Variants in GLG1 observed in about 807,000 individuals in gnomAD.
GLG1 encodes Golgi apparatus protein 1.
In GLG1, 38 loss-of-function variants were observed where a neutral mutation model predicts 160.5. That is an observed-to-expected ratio of 0.24 (90% confidence interval 0.18 to 0.31). GLG1 has a LOEUF of 0.31. Ranked by LOEUF, GLG1 falls within the 10% of genes least tolerant of loss-of-function variation. The pLI is 1.00. For synonymous variants in GLG1, 644 were observed against 543.4 expected (o/e 1.19, Z -2.57); for missense variants, 1,373 against 1,505.2 (o/e 0.91, Z 1.45).
chr16:74,575,722 C>T (rs1050878432), intron 1 of GLG1, among the ~76,000 whole-genome samples: 6 of 152,140 alleles, frequency 3.9e-5, no homozygotes, highest in Non-Finnish European at 5.9e-5. Flanking sequence ...CCTCAGCTTC[C>T]GCAGTAGCTC....
chr16:74,502,913 A>G (rs1250012832), intron 4 of GLG1, among the ~76,000 whole-genome samples: 1 of 149,988 alleles, frequency 6.7e-6, no homozygotes, highest in African/African-American at 2.4e-5. Context: ...GCAGAGAAAG[A>G]TTACTGAACT....
intron 1 of GLG1, among the ~76,000 whole-genome samples, chr16:74,577,851 A>C (rs183180647): frequency 1.8e-3 from 276 of 152,016 alleles, no homozygotes; most frequent in Admixed American, 3.9e-3. Flanking sequence ...TCCTGAGCTC[A>C]AGTGATTCTT....
At chr16:74,597,677 T>C (rs1314314764) in intron 1 of GLG1, among the ~76,000 whole-genome samples, 1 of 150,654 alleles carries the variant, frequency 6.6e-6, no homozygotes, top group East Asian at 2.0e-4. Context: ...CACAGTGAAA[T>C]CCCATCTCTA....
At chr16:74,567,908 C>G (rs2018706041) in intron 1 of GLG1, among the ~76,000 whole-genome samples, 1 of 152,094 alleles carries the variant, frequency 6.6e-6, no homozygotes, top group Non-Finnish European at 1.5e-5. Context: ...AGCCTCCTGG[C>G]TTTCTTTTGG....
At chr16:74,525,219 A>C (rs77409443) in intron 2 of GLG1, among the ~76,000 whole-genome samples, 20,078 of 152,150 alleles carry the variant, frequency 0.13, 1,803 homozygotes, top group Admixed American at 0.24. Context: ...AAGAACTGCT[A>C]ATCTGTCTTC....
At chr16:74,478,149 C>T (rs1230771437) in intron 11 of GLG1, among the ~76,000 whole-genome samples, 1 of 152,046 alleles carries the variant, frequency 6.6e-6, no homozygotes, top group Admixed American at 6.6e-5. Flanking sequence ...TTCATTCAGA[C>T]TAGGTTAGTT....
chr16:74,484,539 G>A (rs1054992268), intron 9 of GLG1, among the ~76,000 whole-genome samples: 1 of 151,868 alleles, frequency 6.6e-6, no homozygotes. Flanking sequence ...GAGGCGGGTG[G>A]GTCATGAGGT....
chr16:74,469,365 A>T (rs112602272), intron 16 of GLG1: 1 of 388,020 alleles, frequency 2.6e-6, no homozygotes. Flanking sequence ...CCACAGAGGA[A>T]TGCTGCTCTT....
intron 2 of GLG1, among the ~76,000 whole-genome samples, chr16:74,509,420 T>G (rs1172829194): frequency 1.3e-5 from 2 of 152,018 alleles, no homozygotes; most frequent in Non-Finnish European, 2.9e-5. Flanking sequence ...AACCAAAAAG[T>G]CTAATCCAGA....
At chr16:74,494,456 G>C (rs894732673) in intron 6 of GLG1, among the ~76,000 whole-genome samples, 1 of 140,262 alleles carries the variant, frequency 7.1e-6, no homozygotes, top group African/African-American at 2.7e-5. Context: ...ACCCAGGCTG[G>C]AGTGCAGTGG....
chr16:74,486,960 C>G (rs934499958), intron 8 of GLG1, among the ~76,000 whole-genome samples: 17 of 149,616 alleles, frequency 1.1e-4, no homozygotes, highest in African/African-American at 4.2e-4. Flanking sequence ...GTCACCCAGG[C>G]TGGAGTGCAG....
intron 1 of GLG1, among the ~76,000 whole-genome samples, chr16:74,560,351 G>A (rs1263453957): frequency 2.4e-5 from 3 of 124,454 alleles, no homozygotes; most frequent in African/African-American, 3.2e-5. Flanking sequence ...TTTTTGAGAC[G>A]GAGTCTCACT....
chr16:74,554,271 C>T (rs1329449341), intron 1 of GLG1, among the ~76,000 whole-genome samples: 4 of 152,212 alleles, frequency 2.6e-5, no homozygotes, highest in African/African-American at 4.8e-5. Flanking sequence ...CCGTGACTCA[C>T]GCCTGTAATC....
intron 1 of GLG1, among the ~76,000 whole-genome samples, chr16:74,548,882 G>A (rs1468778107): frequency 6.6e-6 from 1 of 152,076 alleles, no homozygotes; most frequent in African/African-American, 2.4e-5. Context: ...TGTAATCCCA[G>A]CTATTCAGGA....
Position 74,517,530 on chromosome 16 carries a change from G to A in GLG1, c.472-8605C>T, listed in dbSNP as rs1014535707. ...CAAACTAAAAACTCTCAATAAACTC[G>A]GTATCGATGGAACATATCGCAACAT... On this transcript the variant is annotated intron_variant, in intron 2 of 25. Coordinates refer to ENST00000422840, the MANE Select transcript of GLG1 (RefSeq NM_001145667.2). 7.2e-5 allele frequency among the ~76,000 whole-genome samples: 11 copies of A among 152,036 alleles called. No individual in the cohort carries two copies. The East Asian group carries it at 9.6e-4, about 13-fold the overall frequency.
chr16:74,504,065 C>A (rs2016509647), intron 3 of GLG1, among the ~76,000 whole-genome samples: 1 of 152,178 alleles, frequency 6.6e-6, no homozygotes, highest in South Asian at 2.1e-4. Context: ...CTGTTAACAT[C>A]TACAGCTTTG....
rs1397066757 is a variant in GLG1 at position 74,467,776 on chromosome 16, C to T, written c.2509G>A (p.Val837Met). The T allele has an allele frequency of 2.5e-6, 4 of 1,611,328 alleles. No homozygotes were observed. Among genetic ancestry groups the T allele is most frequent in the Non-Finnish European group, 8.5e-7 (1 of 1,177,664 alleles). The change falls in exon 18 of 26, where the codon GTG (valine) becomes ATG (methionine). Residue 837 changes from valine (V) to methionine (M), a missense_variant. Val to Met is a conservative substitution (Grantham distance 21, BLOSUM62 1). This residue lies in a region of GLG1 where 491 missense variants were observed against 632.1 expected (regional missense o/e 0.78). Coordinates refer to ENST00000422840, the MANE Select transcript of GLG1 (RefSeq NM_001145667.2). ...GTTACCTGAGCGTTGCCATATTGCA[C>T]AGCGGAACAGAAGTTTTTGATGTCA... is the stretch of plus-strand genomic sequence containing the variant. The part of the protein sequence containing the change: ...KSDIKNFCSA[V>M]QYGNAQIIEC...
intron 1 of GLG1, among the ~76,000 whole-genome samples, chr16:74,544,324 T>C (rs1009200040): frequency 2.0e-5 from 3 of 152,210 alleles, no homozygotes; most frequent in African/African-American, 7.2e-5. Context: ...TTTTGTTTTG[T>C]TGTTTTGAGA....
chr16:74,500,377 T>A (rs2016361298), intron 4 of GLG1, among the ~76,000 whole-genome samples: 1 of 152,158 alleles, frequency 6.6e-6, no homozygotes, highest in Non-Finnish European at 1.5e-5. Context: ...GCTTAAAATC[T>A]ACTGCCATTG....
Sources: allele counts gnomAD v4.1 joint callset (sites outside exome capture counted in the v4.1 genomes callset), GRCh38; gene constraint gnomAD v4.1.1; regional missense constraint gnomAD v4.1.1; transcripts MANE v1.5; gene names NCBI Gene and HGNC (gene_info 2026-07-23, HGNC 2026-07-21).